The following PLXNA4 variants were observed in gnomAD, a reference collection of about 807,000 sequenced individuals.
PLXNA4 encodes plexin A4, also known as plexin-A4.
PLXNA4 carries 44 observed loss-of-function variants against 191.8 expected under a neutral mutation model. The ratio of observed to expected loss-of-function variants is 0.23; its 90% CI spans 0.18 to 0.29. The LOEUF (loss-of-function observed/expected upper bound fraction) is 0.29, where lower values mean the gene tolerates loss of function less well. PLXNA4 is among the 10% of genes least tolerant of loss of function. The pLI, the probability that PLXNA4 is intolerant of heterozygous loss-of-function variation, is 1.00. For missense variants in PLXNA4, 1,800 were observed against 2,488.8 expected, an observed-to-expected ratio of 0.72 and a Z score of 5.89; for synonymous variants, 1,082 against 1,009.5, an observed-to-expected ratio of 1.07 and a Z score of -1.36.
At chr7:132,237,816 A>G (rs1004714473) in intron 5 of PLXNA4, among the ~76,000 whole-genome samples, 7 of 152,162 alleles carry the variant, frequency 4.6e-5, no homozygotes, top group Non-Finnish European at 1.0e-4. Context: ...CGTGGAATCT[A>G]TTTGCAAATT....
At chr7:132,244,160 T>G (rs1011728099) in intron 4 of PLXNA4, among the ~76,000 whole-genome samples, 1 of 152,162 alleles carries the variant, frequency 6.6e-6, no homozygotes, top group Non-Finnish European at 1.5e-5. Context: ...CCCCCCAGTT[T>G]CCTGGGTAAA....
chr7:132,147,283 C>T (rs1293272463), intron 27 of PLXNA4, among the ~76,000 whole-genome samples: 1 of 152,218 alleles, frequency 6.6e-6, no homozygotes, highest in African/African-American at 2.4e-5. Context: ...GCACTATTCT[C>T]TGTATTCATC....
At chr7:132,219,329 C>T (rs557920834) in intron 9 of PLXNA4, among the ~76,000 whole-genome samples, 9 of 152,292 alleles carry the variant, frequency 5.9e-5, no homozygotes, top group African/African-American at 1.4e-4. Context: ...ACTCTATAAT[C>T]GCCAGCCCCC....
chr7:132,388,201 C>T (rs779709113), intron 3 of PLXNA4, among the ~76,000 whole-genome samples: 28 of 152,122 alleles, frequency 1.8e-4, no homozygotes, highest in Non-Finnish European at 2.9e-4. Context: ...GTTCCCTTTT[C>T]GGAGCACTCC....
chr7:132,168,566 C>T lies in PLXNA4; in HGVS notation c.4024G>A (p.Gly1342Ser). The change falls in exon 22 of 32, where the codon GGC becomes AGC. Residue 1342 changes from glycine to serine, a missense_variant. Coordinates refer to ENST00000321063, the MANE Select transcript of PLXNA4 (RefSeq NM_020911.2). ...HPVLRDLEVPGYRQERVEKGL... is the reference protein window; with the variant it reads ...HPVLRDLEVPSYRQERVEKGL... ...TTCTCCACACGCTCCTGCCGGTAGCCCGGGACCTGCAGAGAGACCTAGGAG... is the reference window on the plus strand; with the variant it reads ...TTCTCCACACGCTCCTGCCGGTAGCTCGGGACCTGCAGAGAGACCTAGGAG... 1 of 1,579,246 alleles carries T rather than the reference C, an allele frequency of 6.3e-7. No homozygotes were observed. Among genetic ancestry groups the T allele is most frequent in the Non-Finnish European group, 8.6e-7 (1 of 1,161,070 alleles).
At chr7:132,216,812 A>G (rs1797977492) in intron 9 of PLXNA4, among the ~76,000 whole-genome samples, 1 of 152,234 alleles carries the variant, frequency 6.6e-6, no homozygotes, top group Non-Finnish European at 1.5e-5. Context: ...TTATCCACAG[A>G]TGATGATCCA....
intron 3 of PLXNA4, among the ~76,000 whole-genome samples, chr7:132,393,609 C>G (rs1793616561): frequency 1.3e-5 from 2 of 152,186 alleles, no homozygotes; most frequent in African/African-American, 4.8e-5. Flanking sequence ...GTGCTAAGCA[C>G]TGAGAATGCA....
intron 4 of PLXNA4, among the ~76,000 whole-genome samples, chr7:132,289,677 T>G (rs1800814057): frequency 1.3e-5 from 2 of 152,078 alleles, no homozygotes; most frequent in Admixed American, 6.6e-5. Context: ...GGACTACAGG[T>G]GCACACCACC....
At chr7:132,413,303 CCAGGGGTT>C (rs1208672693) in intron 3 of PLXNA4, among the ~76,000 whole-genome samples, 1 of 152,146 alleles carries the variant, frequency 6.6e-6, no homozygotes, top group African/African-American at 2.4e-5. Flanking sequence ...CTGGAGCAGC[CCAGGGGTT>C]TGCTTCACTG....
intron 2 of PLXNA4, among the ~76,000 whole-genome samples, chr7:132,627,839 C>A (rs1363257525): frequency 6.6e-6 from 1 of 152,224 alleles, no homozygotes; most frequent in African/African-American, 2.4e-5. Flanking sequence ...ACTGTGGTTG[C>A]ATAAATGTCT....
At chr7:132,491,730 A>T (rs914056694) in intron 2 of PLXNA4, among the ~76,000 whole-genome samples, 3 of 152,214 alleles carry the variant, frequency 2.0e-5, no homozygotes, top group Non-Finnish European at 2.9e-5. Context: ...GGAGTTCGAG[A>T]CCAACACTGT....
intron 3 of PLXNA4, among the ~76,000 whole-genome samples, chr7:132,450,448 G>A (rs946380223): frequency 6.6e-5 from 10 of 152,154 alleles, no homozygotes; most frequent in African/African-American, 1.7e-4. Flanking sequence ...AACCAATACC[G>A]TAAATGCCTC....
chr7:132,240,979 G>A, intron 5 of PLXNA4, 87 bp downstream of exon 5: 1 of 871,974 alleles, frequency 1.1e-6, no homozygotes, highest in South Asian at 2.4e-5. Flanking sequence ...ACAGATCAAA[G>A]GGAAGGGCAG....
intron 3 of PLXNA4, among the ~76,000 whole-genome samples, chr7:132,322,184 C>CTTTTTTTTTTTTTT (rs5887566): frequency 2.4e-5 from 3 of 122,514 alleles, no homozygotes; most frequent in African/African-American, 6.0e-5. Flanking sequence ...CCTAAAAGGG[C>CTTTTTTTTTTTTTT]TTTTTTTTTT....
intron 3 of PLXNA4, among the ~76,000 whole-genome samples, chr7:132,381,836 G>T (rs979271160): frequency 6.6e-6 from 1 of 152,328 alleles, no homozygotes. Context: ...GTGCCACAGG[G>T]CTTGGTGGGC....
intron 1 of PLXNA4, among the ~76,000 whole-genome samples, chr7:132,531,197 C>T (rs769208597): frequency 1.6e-4 from 25 of 152,226 alleles, no homozygotes; most frequent in Middle Eastern, 3.4e-3. Flanking sequence ...CTGAATTTTA[C>T]GCTTAAAATG....
chr7:132,385,172 A>G, intron 3 of PLXNA4: 5 of 1,613,696 alleles, frequency 3.1e-6, no homozygotes, highest in Non-Finnish European at 4.2e-6. Context: ...AAGCCTACAC[A>G]GCTCTGAAGT....
upstream of PLXNA4, chr7:132,577,161 CG>C (rs1480460183): frequency 6.8e-6 from 1 of 146,524 alleles, no homozygotes; most frequent in Non-Finnish European, 1.5e-5. Context: ...AGCTCGGCCG[CG>C]GGCCGAGCCG....
chr7:132,211,034 C>G lies in PLXNA4; in HGVS notation c.2207G>C (p.Gly736Ala). 6.2e-7 allele frequency: 1 copy of G among 1,613,936 alleles called. No individual in the cohort carries two copies. Among genetic ancestry groups the G allele is most frequent in the Non-Finnish European group, 8.5e-7 (1 of 1,179,932 alleles). ...NLPQPQSGQR[G>A]YECILNIQGS... ...CTGAATGTTGAGGATGCATTCGTAG[C>G]CACGCTGCCCAGACTGGGGCTGGGG... The change falls in exon 10 of 32, where the codon GGC (glycine) becomes GCC (alanine). Residue 736 changes from glycine to alanine, a missense_variant. Physicochemically the swap from Gly to Ala is moderately conservative, Grantham distance 60 (BLOSUM62 0). Around this residue, in one of 6 missense-constraint regions of PLXNA4, gnomAD observed 1,397 missense variants for 1,880.4 expected, o/e 0.74. Transcript: ENST00000321063.
Sources: gnomAD v4.1 joint callset for allele counts (sites outside exome capture counted in the v4.1 genomes callset) on GRCh38, gnomAD v4.1.1 for gene constraint, gnomAD v4.1.1 regional missense constraint, MANE v1.5 for transcripts, NCBI Gene and HGNC (gene_info 2026-07-23, HGNC 2026-07-21) for gene names.